Variants in ASXL2 observed in about 807,000 individuals in gnomAD.
The protein encoded by ASXL2 is putative Polycomb group protein ASXL2.
In ASXL2, 23 loss-of-function variants were observed where a neutral mutation model predicts 122.0. That is an observed-to-expected ratio of 0.19 (90% confidence interval 0.14 to 0.27). ASXL2 has a LOEUF of 0.27. ASXL2 is among the 10% of genes least tolerant of loss of function. ASXL2 has a pLI of 1.00. For synonymous variants in ASXL2, 650 were observed against 637.0 expected (o/e 1.02, Z -0.31); for missense variants, 1,518 against 1,713.8 (o/e 0.89, Z 2.02).
chr2:25,836,428 G>A (rs1281182717), intron 2 of ASXL2, among the ~76,000 whole-genome samples: 1 of 152,144 alleles, frequency 6.6e-6, no homozygotes, highest in East Asian at 1.9e-4. Context: ...CTGAAAAGTA[G>A]TAGAGAATAT....
intron 1 of ASXL2, among the ~76,000 whole-genome samples, chr2:25,853,635 G>A (rs571744652): frequency 4.2e-4 from 64 of 152,052 alleles, no homozygotes; most frequent in African/African-American, 1.2e-3. Context: ...ACAGTGCACC[G>A]TTTTTTTGTT....
At chr2:25,772,459 G>A (rs2088471745) in intron 5 of ASXL2, among the ~76,000 whole-genome samples, 1 of 152,098 alleles carries the variant, frequency 6.6e-6, no homozygotes, top group African/African-American at 2.4e-5. Flanking sequence ...AAGACCGTGT[G>A]CGGTGGCTCA....
At position 25,737,355 on chromosome 2, in the gene ASXL2, T is replaced by G. The variant is rs144823330; in HGVS notation, c.*4674A>C. On this transcript the variant is annotated 3_prime_UTR_variant, in exon 13 of 13. Transcript: ENST00000435504. ...TTCCCCCGAGATATTTCCTTACCAT[T>G]CTTTGATTTAGGAGCAAACAATGGG... The G allele has an allele frequency of 3.9e-4, 60 of 152,224 alleles. No homozygotes were observed. Among genetic ancestry groups the G allele is most frequent in the African/African-American group, 1.4e-3 (60 of 41,562 alleles). 9.4% of individuals were successfully genotyped at this position (152,224 alleles called of 1,614,324 possible). A position where few individuals can be genotyped will look rare whatever the true frequency, so the allele number is the denominator to read the frequency against.
intron 4 of ASXL2, among the ~76,000 whole-genome samples, chr2:25,801,720 T>C (rs896598048): frequency 1.3e-5 from 2 of 152,166 alleles, no homozygotes; most frequent in Admixed American, 6.5e-5. Context: ...AAATGCTACA[T>C]ATTCTATTTA....
chr2:25,851,707 A>G (rs1412397355), intron 1 of ASXL2, among the ~76,000 whole-genome samples: 1 of 152,210 alleles, frequency 6.6e-6, no homozygotes, highest in African/African-American at 2.4e-5. Context: ...CCTGGCCAAC[A>G]TGACCAAACC....
In ASXL2 at chr2:25,844,427, A is replaced by G. The variant is rs527730146; in HGVS notation, c.140+1054T>C. Reference sequence around the variant, plus strand: ...GAAACCCTGTCTCTACTAAAAGTACAAAAATTAGGCATGGTGGTGCGTGTC... The same window carrying G: ...GAAACCCTGTCTCTACTAAAAGTACGAAAATTAGGCATGGTGGTGCGTGTC... On this transcript the variant is annotated intron_variant, in intron 2 of 12. Coordinates refer to ENST00000435504, the MANE Select transcript of ASXL2 (RefSeq NM_018263.6). 2.6e-5 allele frequency among the ~76,000 whole-genome samples: 4 copies of G among 152,208 alleles called. No homozygotes were observed. In the South Asian group the frequency reaches 8.3e-4, roughly 32 times the overall value.
In ASXL2 at chr2:25,742,696, G is replaced by A. The variant is rs770401493; in HGVS notation, c.3641C>T (p.Pro1214Leu). The A allele has an allele frequency of 6.2e-7, 1 of 1,613,958 alleles. No individual in the cohort carries two copies. The stretch of plus-strand genomic sequence containing the variant: ...GGTAGATAGAGTTTCCCTGCTGTGA[G>A]GTCCTGAACTTGTGTCACCCTTGCC... ...SAGKGDTSSGPHSRETLSTSD... is the reference protein window; with the variant it reads ...SAGKGDTSSGLHSRETLSTSD... Residue 1214 changes from proline to leucine, a missense_variant, in exon 13 of 13, where the codon CCT becomes CTT. This residue lies in a region of ASXL2 where 831 missense variants were observed against 833.1 expected (regional missense o/e 1.00). Transcript: ENST00000435504.
chr2:25,824,568 C>T (rs909671259), intron 3 of ASXL2, among the ~76,000 whole-genome samples: 23 of 152,116 alleles, frequency 1.5e-4, no homozygotes, highest in African/African-American at 5.3e-4. Flanking sequence ...AACTGTTAGC[C>T]ATATTTGCAA....
chr2:25,853,251 T>A (rs1276153003), intron 1 of ASXL2, among the ~76,000 whole-genome samples: 1 of 152,196 alleles, frequency 6.6e-6, no homozygotes. Context: ...CTCACTCACC[T>A]GAGTTCAGGA....
chr2:25,854,304 T>G (rs1559529226), intron 1 of ASXL2, among the ~76,000 whole-genome samples: 1 of 152,364 alleles, frequency 6.6e-6, no homozygotes, highest in East Asian at 1.9e-4. Flanking sequence ...AGCATTTAAC[T>G]GCCAAGCACT....
At chr2:25,842,769 C>CGT (rs70950126) in intron 2 of ASXL2, among the ~76,000 whole-genome samples, 8 of 145,122 alleles carry the variant, frequency 5.5e-5, no homozygotes, top group South Asian at 2.2e-4. Flanking sequence ...CGTGTGTGCA[C>CGT]GTGTGTGTGT....
At chr2:25,810,509 C>T in intron 3 of ASXL2, 1 of 744,978 alleles carries the variant, frequency 1.3e-6, no homozygotes, top group South Asian at 1.4e-5. Context: ...TTCAAGGAGG[C>T]CACCTCAGCC....
At chr2:25,858,712 A>G (rs900551033) in intron 1 of ASXL2, among the ~76,000 whole-genome samples, 1 of 145,096 alleles carries the variant, frequency 6.9e-6, no homozygotes, top group African/African-American at 2.5e-5. Context: ...ACAGAGCGAG[A>G]CCCCGCCTCA....
intron 12 of ASXL2, among the ~76,000 whole-genome samples, chr2:25,745,559 CAAAA>C (rs34181748): frequency 9.7e-5 from 5 of 51,420 alleles, no homozygotes; most frequent in South Asian, 8.2e-4. Context: ...GCCTCCAGCT[CAAAA>C]AAAAAAAAAA....
chr2:25,841,114 G>A (rs1054061334), intron 2 of ASXL2, among the ~76,000 whole-genome samples: 5 of 147,024 alleles, frequency 3.4e-5, no homozygotes, highest in East Asian at 1.9e-4. Flanking sequence ...CCTGGATGGC[G>A]AAACCCTTGC....
At chr2:25,837,502 G>C (rs1559525079) in intron 2 of ASXL2, among the ~76,000 whole-genome samples, 1 of 152,114 alleles carries the variant, frequency 6.6e-6, no homozygotes, top group African/African-American at 2.4e-5. Flanking sequence ...GTTTATGATG[G>C]AGGATGTATC....
chr2:25,752,620 G>A lies in ASXL2; in HGVS notation c.1142+914C>T, dbSNP rs943328687. Among the ~76,000 whole-genome samples the A allele has an allele frequency of 3.9e-5, 6 of 152,030 alleles. 1 individual carries two copies. The South Asian group carries it at 1.2e-3, about 32-fold the overall frequency. ...CCCAGCACTTTGGGAGGCCGAGGAG[G>A]GCAGATCACCTGAAGTCAGGAGTTC... On this transcript the variant is annotated intron_variant, in intron 11 of 12. Coordinates refer to ENST00000435504, the MANE Select transcript of ASXL2 (RefSeq NM_018263.6).
intron 3 of ASXL2, among the ~76,000 whole-genome samples, chr2:25,811,809 T>C (rs1038904303): frequency 6.6e-6 from 1 of 152,186 alleles, no homozygotes; most frequent in Non-Finnish European, 1.5e-5. Flanking sequence ...TGGAGTACAG[T>C]GGTGCGATCT....
intron 3 of ASXL2, among the ~76,000 whole-genome samples, chr2:25,831,113 A>G (rs939570764): frequency 6.6e-6 from 1 of 152,062 alleles, no homozygotes; most frequent in Non-Finnish European, 1.5e-5. Context: ...TGAGGTCAGG[A>G]GTTCGAGACC....
Sources: allele counts gnomAD v4.1 joint callset (sites outside exome capture counted in the v4.1 genomes callset), GRCh38; gene constraint gnomAD v4.1.1; regional missense constraint gnomAD v4.1.1; transcripts MANE v1.5; gene names NCBI Gene and HGNC (gene_info 2026-07-23, HGNC 2026-07-21).